Variants in CNTN5 observed in about 807,000 individuals in gnomAD.
The protein encoded by CNTN5 is contactin 5.
CNTN5 carries 77 observed loss-of-function variants against 129.1 expected under a neutral mutation model. The ratio of observed to expected loss-of-function variants is 0.60; its 90% CI spans 0.50 to 0.72. The LOEUF (loss-of-function observed/expected upper bound fraction) is 0.72. Ranked by LOEUF, CNTN5 falls within the 30% of genes least tolerant of loss-of-function variation. The probability of loss-of-function intolerance (pLI) is 0.00; values close to 1 mark genes in which losing one functional copy is unlikely to be tolerated. For synonymous variants in CNTN5, 509 were observed against 465.6 expected, an observed-to-expected ratio of 1.09 and a Z score of -1.20; for missense variants, 1,478 against 1,328.8, an observed-to-expected ratio of 1.11 and a Z score of -1.75.
intron 3 of CNTN5, among the ~76,000 whole-genome samples, chr11:99,625,919 TATATACACACAC>T (rs762484792): frequency 3.3e-5 from 2 of 61,052 alleles, no homozygotes; most frequent in Admixed American, 1.2e-4. Context: ...TATATATATA[TATATACACACAC>T]ACACACACAC....
chr11:99,090,823 C>T (rs1359194880), intron 1 of CNTN5, among the ~76,000 whole-genome samples: 1 of 150,738 alleles, frequency 6.6e-6, no homozygotes, highest in Non-Finnish European at 1.5e-5. Flanking sequence ...GAGATGGAGA[C>T]CATCCTGGCT....
In CNTN5 at chr11:100,350,857, A is replaced by G. The variant is rs746751604; in HGVS notation, c.3186A>G (p.Val1062=). The change falls in exon 24 of 25, where the codon GTA becomes GTG. Residue 1062 remains valine, a synonymous_variant. Coordinates refer to ENST00000524871, the MANE Select transcript of CNTN5 (RefSeq NM_014361.4). ...GAACAGCTAGTTCTCAAATTAGGGT[A>G]CCATCATATTCAGGTAAGTTTTGAC... ...GDGTASSQIR[V]PSYSGGKITS... 6.3e-7 allele frequency: 1 copy of G among 1,585,364 alleles called. No homozygotes were observed. Among genetic ancestry groups the G allele is most frequent in the Admixed American group, 1.7e-5 (1 of 57,838 alleles).
intron 1 of CNTN5, among the ~76,000 whole-genome samples, chr11:99,037,593 T>A (rs1445934438): frequency 3.4e-5 from 5 of 146,562 alleles, no homozygotes; most frequent in African/African-American, 7.6e-5. Context: ...TTTTTTTTTT[T>A]TTTTTAACAT....
intron 1 of CNTN5, among the ~76,000 whole-genome samples, chr11:99,138,204 A>C (rs908039499): frequency 1.3e-5 from 2 of 152,126 alleles, no homozygotes; most frequent in Non-Finnish European, 2.9e-5. Flanking sequence ...CCACAATCCA[A>C]CATGATAGGT....
rs540118506 is a variant in CNTN5 at position 99,865,448 on chromosome 11, A to AT, written c.577+20194dup. ...ATTATAATACTATAGATTTTAATCA[A>AT]TTTTTTTTATTTTACCAGGAAAAAA... On this transcript the variant is annotated intron_variant, in intron 6 of 24. Coordinates refer to ENST00000524871, the MANE Select transcript of CNTN5 (RefSeq NM_014361.4). Among the ~76,000 whole-genome samples, 406 of 151,614 alleles carry AT rather than the reference A, an allele frequency of 2.7e-3. 3 individuals carry two copies. The highest frequency in any genetic ancestry group is 9.0e-3 in the African/African-American group (373 of 41,432).
intron 3 of CNTN5, among the ~76,000 whole-genome samples, chr11:99,578,789 T>G (rs1396553496): frequency 6.6e-6 from 1 of 152,184 alleles, no homozygotes; most frequent in Non-Finnish European, 1.5e-5. Context: ...TGCCTGTTCA[T>G]TCTGATAGTG....
At chr11:99,132,904 A>G (rs1380900820) in intron 1 of CNTN5, among the ~76,000 whole-genome samples, 3 of 152,106 alleles carry the variant, frequency 2.0e-5, no homozygotes, top group East Asian at 3.8e-4. Flanking sequence ...GAAAAAAACT[A>G]TTTAAAAATT....
intron 13 of CNTN5, among the ~76,000 whole-genome samples, chr11:100,091,663 G>T (rs61908109): frequency 0.14 from 21,780 of 151,656 alleles, 1,811 homozygotes; most frequent in East Asian, 0.31. Context: ...TCCTGACCTT[G>T]TGATCCACCC....
chr11:100,103,693 G>C (rs1219152687), intron 13 of CNTN5, among the ~76,000 whole-genome samples: 1 of 152,142 alleles, frequency 6.6e-6, no homozygotes, highest in African/African-American at 2.4e-5. Context: ...GGGTTGAAGA[G>C]AAGAATCTAT....
chr11:99,701,884 T>C lies in CNTN5; in HGVS notation c.56-117660T>C, dbSNP rs145161504. 2.0e-3 allele frequency among the ~76,000 whole-genome samples: 299 copies of C among 151,146 alleles called. 1 individual carries two copies. Among genetic ancestry groups the C allele is most frequent in the African/African-American group, 7.1e-3 (294 of 41,436 alleles). On this transcript the variant is annotated intron_variant, in intron 3 of 24. Transcript: ENST00000524871. Reference sequence around the variant, plus strand: ...GCCTTTAACATTGCTTTATTCATATTGAGCTATTTTACTCCTAATTTCTTC... The same window carrying C: ...GCCTTTAACATTGCTTTATTCATATCGAGCTATTTTACTCCTAATTTCTTC...
chr11:100,298,749 A>G (rs550274736), intron 19 of CNTN5, among the ~76,000 whole-genome samples: 2 of 151,536 alleles, frequency 1.3e-5, no homozygotes, highest in South Asian at 2.1e-4. Flanking sequence ...AAAGGTTTTA[A>G]CATCATTATA....
intron 2 of CNTN5, among the ~76,000 whole-genome samples, chr11:99,364,485 G>C (rs1315365627): frequency 1.3e-5 from 2 of 151,976 alleles, no homozygotes; most frequent in African/African-American, 4.8e-5. Context: ...TCTAAAATTT[G>C]GTCAGGGGAA....
intron 3 of CNTN5, among the ~76,000 whole-genome samples, chr11:99,783,367 TG>T (rs1433622352): frequency 2.9e-5 from 1 of 34,272 alleles, no homozygotes; most frequent in Non-Finnish European, 5.6e-5. Flanking sequence ...TTTACACTGT[TG>T]GTGGGACTGT....
intron 1 of CNTN5, among the ~76,000 whole-genome samples, chr11:99,284,446 G>GTTTTCTTATTTACCTTGTAAA (rs1863834317): frequency 1.3e-5 from 2 of 152,092 alleles, no homozygotes; most frequent in South Asian, 4.1e-4. Flanking sequence ...ACGGTGACTT[G>GTTTTCTTATTTACCTTGTAAA]TTTTCTTATT....
In CNTN5 at chr11:100,021,377, G is replaced by C. The variant is rs139532948; in HGVS notation, c.980+19241G>C. On this transcript the variant is annotated intron_variant, in intron 9 of 24. Coordinates refer to ENST00000524871, the MANE Select transcript of CNTN5 (RefSeq NM_014361.4). Reference sequence around the variant, plus strand: ...ATCTTCTATATCTTTATTGATTTCTGTCTAGTTCTTCTGTAAGTTATACAG... The same window carrying C: ...ATCTTCTATATCTTTATTGATTTCTCTCTAGTTCTTCTGTAAGTTATACAG... Among the ~76,000 whole-genome samples the C allele has an allele frequency of 5.4e-3, 827 of 152,150 alleles. 11 individuals are homozygous for C. Among genetic ancestry groups the C allele is most frequent in the African/African-American group, 0.019 (784 of 41,528 alleles).
chr11:99,919,899 G>A lies in CNTN5; in HGVS notation c.673+3750G>A, dbSNP rs186969897. On this transcript the variant is annotated intron_variant, in intron 7 of 24. Coordinates refer to ENST00000524871, the MANE Select transcript of CNTN5 (RefSeq NM_014361.4). The stretch of plus-strand genomic sequence containing the variant: ...TTGAACTCCTAGGCTTAAGTGATCC[G>A]CTCACCTATAATCCCAAAGTGCTGG... Among the ~76,000 whole-genome samples, 285 of 151,308 alleles carry A rather than the reference G, an allele frequency of 1.9e-3. 1 individual carries two copies. Among genetic ancestry groups the A allele is most frequent in the African/African-American group, 5.3e-3 (219 of 41,244 alleles).
At chr11:100,285,010 G>C (rs754921559) in intron 18 of CNTN5, among the ~76,000 whole-genome samples, 31 of 152,142 alleles carry the variant, frequency 2.0e-4, no homozygotes, top group Admixed American at 5.2e-4. Context: ...TCATAAAATG[G>C]GGATACCACA....
chr11:99,798,593 T>A (rs1382877003), intron 3 of CNTN5, among the ~76,000 whole-genome samples: 1 of 152,142 alleles, frequency 6.6e-6, no homozygotes, highest in East Asian at 1.9e-4. Context: ...TGGTGTTATT[T>A]CTGGGCTCTC....
chr11:99,050,932 A>G (rs574526333), intron 1 of CNTN5, among the ~76,000 whole-genome samples: 3 of 152,062 alleles, frequency 2.0e-5, no homozygotes, highest in African/African-American at 7.2e-5. Context: ...GCATATGTAT[A>G]CATTAATGTC....
Sources: gnomAD v4.1 joint callset for allele counts (sites outside exome capture counted in the v4.1 genomes callset) on GRCh38, gnomAD v4.1.1 for gene constraint, MANE v1.5 for transcripts, NCBI Gene and HGNC (gene_info 2026-07-23, HGNC 2026-07-21) for gene names.